Variants in STON2 observed in about 807,000 individuals in gnomAD.
STON2 encodes the protein stonin-2.
Under a neutral mutation model 65.7 loss-of-function variants are expected in STON2, and 29 were observed. The observed-to-expected ratio is 0.44, with a 90% CI of 0.33 to 0.60. The LOEUF is 0.60. Ranked by LOEUF, STON2 falls within the 20% of genes least tolerant of loss-of-function variation. The pLI is 0.03. For missense variants in STON2, 1,054 were observed against 1,118.1 expected (o/e 0.94, Z 0.82); for synonymous variants, 404 against 414.2 (o/e 0.98, Z 0.30).
chr14:81,425,530 C>T (rs1295349300), intron 2 of STON2, among the ~76,000 whole-genome samples: 1 of 152,006 alleles, frequency 6.6e-6, no homozygotes, highest in African/African-American at 2.4e-5. Context: ...CAAGATCATG[C>T]CACTGTACTC....
At chr14:81,284,034 G>A (rs188963576) in intron 5 of STON2, among the ~76,000 whole-genome samples, 40 of 152,288 alleles carry the variant, frequency 2.6e-4, no homozygotes, top group African/African-American at 8.4e-4. Context: ...ACCATAAACT[G>A]TGCCCATATA....
intron 4 of STON2, among the ~76,000 whole-genome samples, chr14:81,339,376 C>G (rs1005847522): frequency 6.6e-6 from 1 of 152,144 alleles, no homozygotes; most frequent in African/African-American, 2.4e-5. Flanking sequence ...GGGACACAGG[C>G]AGAGCTGTGC....
intron 4 of STON2, among the ~76,000 whole-genome samples, chr14:81,348,870 A>C (rs1295500763): frequency 7.8e-6 from 1 of 128,508 alleles, no homozygotes; most frequent in African/African-American, 2.7e-5. Context: ...TATAGTGACT[A>C]AACAGCATGG....
chr14:81,357,427 T>C (rs537259674), intron 4 of STON2, among the ~76,000 whole-genome samples: 137 of 151,726 alleles, frequency 9.0e-4, no homozygotes, highest in Non-Finnish European at 7.4e-4. Flanking sequence ...TGTGGAGAAA[T>C]AGGAACACTT....
chr14:81,288,682 G>A (rs2140149308), intron 5 of STON2, among the ~76,000 whole-genome samples: 1 of 152,240 alleles, frequency 6.6e-6, no homozygotes. Flanking sequence ...GTGAAGCTCT[G>A]CTCAATGGAC....
intron 1 of STON2, chr14:81,436,192 G>C (rs1276828830): frequency 6.6e-6 from 1 of 151,870 alleles, no homozygotes; most frequent in African/African-American, 2.4e-5. Context: ...GGCGCCAGGG[G>C]GCACAGCGGC....
intron 5 of STON2, among the ~76,000 whole-genome samples, chr14:81,279,754 G>GTT (rs538525752): frequency 1.3e-4 from 20 of 152,156 alleles, no homozygotes; most frequent in African/African-American, 4.6e-4. Context: ...GCTCAATGAG[G>GTT]GTAAAGGTGC....
At chr14:81,359,901 T>A (rs58480431) in intron 4 of STON2, among the ~76,000 whole-genome samples, 3,457 of 152,128 alleles carry the variant, frequency 0.023, 145 homozygotes, top group African/African-American at 0.08. Context: ...AAAACTTCCA[T>A]CAAAGAAAAG....
chr14:81,320,748 A>C (rs1896794999), intron 5 of STON2, among the ~76,000 whole-genome samples: 1 of 152,102 alleles, frequency 6.6e-6, no homozygotes, highest in Non-Finnish European at 1.5e-5. Context: ...TGTTCAGGAC[A>C]GGTCTCTGCG....
At chr14:81,354,694 T>C (rs910532415) in intron 4 of STON2, among the ~76,000 whole-genome samples, 3 of 152,076 alleles carry the variant, frequency 2.0e-5, no homozygotes, top group African/African-American at 7.2e-5. Flanking sequence ...ATAGAAATCC[T>C]AGAGATAAAG....
At chr14:81,345,426 C>T (rs1054345340) in intron 4 of STON2, among the ~76,000 whole-genome samples, 4 of 152,150 alleles carry the variant, frequency 2.6e-5, no homozygotes, top group African/African-American at 7.2e-5. Context: ...AGCCAAGGAG[C>T]GGCCTCAGAA....
chr14:81,406,154 T>C (rs1231084298), intron 2 of STON2, among the ~76,000 whole-genome samples: 1 of 152,166 alleles, frequency 6.6e-6, no homozygotes, highest in African/African-American at 2.4e-5. Flanking sequence ...ACTTTTGAGG[T>C]TTTGGGGCTC....
chr14:81,371,866 T>C (rs1406723695), intron 3 of STON2, among the ~76,000 whole-genome samples: 1 of 152,098 alleles, frequency 6.6e-6, no homozygotes, highest in Non-Finnish European at 1.5e-5. Context: ...CCTCCATTTT[T>C]AGTGGCACAA....
intron 5 of STON2, among the ~76,000 whole-genome samples, chr14:81,291,957 T>C (rs935287588): frequency 6.6e-6 from 1 of 151,470 alleles, no homozygotes; most frequent in African/African-American, 2.4e-5. Context: ...GCCAGAAAAA[T>C]GGCCCTGGTT....
chr14:81,263,788 G>A lies in STON2; in HGVS notation c.*4626C>T, dbSNP rs927105985. 1.3e-5 allele frequency: 13 copies of A among 985,204 alleles called. No individual in the cohort carries two copies. The African/African-American group carries it at 2.3e-4, about 17-fold the overall frequency. The allele number at this position is 985,204 out of a possible 1,614,324, so 61.0% of individuals were successfully genotyped here. ...TGGGAGCATTTCTATAAGCAGGCTG[G>A]ATGGTAGTGCTTCCTACTTAAACCA... On this transcript the variant is annotated 3_prime_UTR_variant, in exon 8 of 8. Coordinates refer to ENST00000614646, the MANE Select transcript of STON2 (RefSeq NM_001394390.1).
intron 3 of STON2, among the ~76,000 whole-genome samples, chr14:81,382,586 A>G (rs911483313): frequency 6.6e-6 from 1 of 152,190 alleles, no homozygotes; most frequent in East Asian, 1.9e-4. Flanking sequence ...GGGTGTGATC[A>G]GTAGGGAAAC....
At chr14:81,328,463 G>T (rs996692267) in intron 4 of STON2, among the ~76,000 whole-genome samples, 1 of 152,140 alleles carries the variant, frequency 6.6e-6, no homozygotes, top group Non-Finnish European at 1.5e-5. Context: ...TATCTACAGA[G>T]AGGTACGAAG....
chr14:81,385,465 T>C (rs997272277), intron 3 of STON2, among the ~76,000 whole-genome samples: 1 of 152,230 alleles, frequency 6.6e-6, no homozygotes, highest in African/African-American at 2.4e-5. Context: ...CCATGGTGTG[T>C]ATACACTCAT....
intron 5 of STON2, among the ~76,000 whole-genome samples, chr14:81,304,682 C>A (rs140343432): frequency 6.6e-6 from 1 of 152,010 alleles, no homozygotes; most frequent in Non-Finnish European, 1.5e-5. Flanking sequence ...GAGCCAAGAT[C>A]GCGCCACTGC....
Sources: gnomAD v4.1 joint callset for allele counts (sites outside exome capture counted in the v4.1 genomes callset) on GRCh38, gnomAD v4.1.1 for gene constraint, MANE v1.5 for transcripts, NCBI Gene and HGNC (gene_info 2026-07-23, HGNC 2026-07-21) for gene names.